PTPN12: variants seen among roughly 807,000 people sequenced by gnomAD.
PTPN12 encodes tyrosine-protein phosphatase non-receptor type 12.
Under a neutral mutation model 97.6 loss-of-function variants are expected in PTPN12, and 29 were observed. That is an observed-to-expected ratio of 0.30 (90% CI 0.22 to 0.41). The LOEUF is 0.41. Ranked by LOEUF, PTPN12 falls within the 10% of genes least tolerant of loss-of-function variation. The pLI is 1.00. For synonymous variants in PTPN12, 327 were observed against 300.4 expected, an observed-to-expected ratio of 1.09 and a Z score of -0.91; for missense variants, 819 against 926.0, an observed-to-expected ratio of 0.88 and a Z score of 1.50.
At chr7:77,561,830 C>T (rs575982504) in intron 1 of PTPN12, among the ~76,000 whole-genome samples, 5 of 151,724 alleles carry the variant, frequency 3.3e-5, no homozygotes, top group South Asian at 2.1e-4. Flanking sequence ...CTTGCTCTGT[C>T]GCCCAGGCTG....
rs913226724 is a variant in PTPN12, at chr7:77,548,587, T to C, written c.99+10942T>C. Among the ~76,000 whole-genome samples the C allele has an allele frequency of 9.9e-5, 15 of 152,216 alleles. 1 individual carries two copies. Among genetic ancestry groups the C allele is most frequent in the Non-Finnish European group, 1.9e-4 (13 of 68,038 alleles). ...AAGTTAGGAAAGCAGATGCTTTTTA[T>C]ATGACATGATGCTGCTTAGGCCAAC... is the stretch of plus-strand genomic sequence containing the variant. On this transcript the variant is annotated intron_variant, in intron 1 of 17. Coordinates refer to ENST00000248594, the MANE Select transcript of PTPN12 (RefSeq NM_002835.4).
chr7:77,594,382 T>TG (rs1414262184), intron 6 of PTPN12, among the ~76,000 whole-genome samples: 5 of 152,160 alleles, frequency 3.3e-5, no homozygotes, highest in African/African-American at 1.2e-4. Flanking sequence ...TCTACTTCAG[T>TG]GGGGAAATAC....
intron 14 of PTPN12, among the ~76,000 whole-genome samples, chr7:77,635,328 C>G (rs1789550284): frequency 6.6e-6 from 1 of 152,170 alleles, no homozygotes; most frequent in Admixed American, 6.6e-5. Flanking sequence ...ACTCAAGAAG[C>G]TGAGATGGGA....
rs751518917 is a variant in PTPN12 at position 77,636,598 on chromosome 7, T to C, written c.2143-420T>C. On this transcript the variant is annotated intron_variant, in intron 15 of 17. Coordinates refer to ENST00000248594, the MANE Select transcript of PTPN12 (RefSeq NM_002835.4). The stretch of plus-strand genomic sequence containing the variant: ...CCCTGTCTCAGCAACAACACATTTG[T>C]CCATAGGAGATAACATTTTTTATTA... Among the ~76,000 whole-genome samples, 8 of 152,266 alleles carry C rather than the reference T, an allele frequency of 5.3e-5. No individual in the cohort carries two copies. In the South Asian group the frequency reaches 1.5e-3, roughly 28 times the overall value.
Position 77,571,113 on chromosome 7 carries a change from A to G in PTPN12, c.135A>G (p.Glu45=), listed in dbSNP as rs1459494366. The G allele has an allele frequency of 6.2e-7, 1 of 1,600,648 alleles. No homozygotes were observed. Among genetic ancestry groups the G allele is most frequent in the East Asian group, 2.3e-5 (1 of 44,090 alleles). Residue 45 remains glutamate, a synonymous_variant, in exon 2 of 18, where the codon GAA becomes GAG. Coordinates refer to ENST00000248594, the MANE Select transcript of PTPN12 (RefSeq NM_002835.4). Reference sequence around the variant, plus strand: ...GATTGTCTACCAAATATAGAACAGAAAAGATATATCCCACAGCCACTGGAG... The same window carrying G: ...GATTGTCTACCAAATATAGAACAGAGAAGATATATCCCACAGCCACTGGAG... ...LRRLSTKYRT[E]KIYPTATGEK...
intron 5 of PTPN12, among the ~76,000 whole-genome samples, chr7:77,586,531 C>G (rs1420610223): frequency 6.6e-6 from 1 of 152,120 alleles, no homozygotes. Context: ...CTGCGGTGAG[C>G]TATGATTATG....
Position 77,618,494 on chromosome 7 carries a change from T to C in PTPN12, c.954T>C (p.Thr318=). ...KIADGVNEIN[T]ENMVSSIEPE... is the part of the protein sequence containing the mutation. ...TCCCTTGGCAGAATGAAATTAACAC[T>C]GAAAACATGGTCAGCTCCATAGAGC... is the stretch of plus-strand genomic sequence containing the variant. Residue 318 remains threonine (T), a synonymous_variant, in exon 12 of 18, where the codon ACT becomes ACC. Coordinates refer to ENST00000248594, the MANE Select transcript of PTPN12 (RefSeq NM_002835.4). 6.3e-7 allele frequency: 1 copy of C among 1,598,512 alleles called. No homozygotes were observed. Among genetic ancestry groups the C allele is most frequent in the Non-Finnish European group, 8.5e-7 (1 of 1,170,218 alleles).
intron 2 of PTPN12, among the ~76,000 whole-genome samples, chr7:77,571,484 A>G (rs1373518649): frequency 3.3e-5 from 5 of 152,204 alleles, no homozygotes; most frequent in African/African-American, 1.2e-4. Flanking sequence ...ATGTTATTTC[A>G]TTAAAATAAT....
chr7:77,610,280 A>G (rs1284708323), intron 9 of PTPN12, among the ~76,000 whole-genome samples: 1 of 152,212 alleles, frequency 6.6e-6, no homozygotes, highest in African/African-American at 2.4e-5. Flanking sequence ...GAATAAATTC[A>G]GTCTCTTTAT....
chr7:77,539,820 A>G (rs1375718380), intron 1 of PTPN12, among the ~76,000 whole-genome samples: 2 of 151,974 alleles, frequency 1.3e-5, no homozygotes, highest in Non-Finnish European at 2.9e-5. Context: ...AGCCGGGACT[A>G]CAGGCGCAAG....
chr7:77,587,803 C>A (rs985246786), intron 5 of PTPN12, among the ~76,000 whole-genome samples: 3 of 152,246 alleles, frequency 2.0e-5, no homozygotes, highest in Non-Finnish European at 4.4e-5. Flanking sequence ...TAGCTTAGAT[C>A]TTTGGATAAC....
intron 11 of PTPN12, among the ~76,000 whole-genome samples, 177 bp from the exon 12 acceptor site, chr7:77,618,303 A>T (rs527981073): frequency 1.3e-5 from 2 of 152,020 alleles, no homozygotes; most frequent in South Asian, 4.1e-4. Context: ...CAATCTCTCC[A>T]TTGAAGTCTG....
At chr7:77,586,577 C>T (rs1787699861) in intron 5 of PTPN12, among the ~76,000 whole-genome samples, 1 of 152,044 alleles carries the variant, frequency 6.6e-6, no homozygotes, top group South Asian at 2.1e-4. Context: ...GGAGACTCCA[C>T]CTATAAAAAC....
chr7:77,599,979 T>G (rs534952697), intron 7 of PTPN12, among the ~76,000 whole-genome samples: 1 of 152,186 alleles, frequency 6.6e-6, no homozygotes, highest in Non-Finnish European at 1.5e-5. Context: ...GAGAAATTTT[T>G]AAAAAACATG....
intron 2 of PTPN12, among the ~76,000 whole-genome samples, chr7:77,579,728 T>G (rs1461376889): frequency 6.6e-6 from 1 of 152,192 alleles, no homozygotes; most frequent in African/African-American, 2.4e-5. Context: ...TGATTTTTTC[T>G]TTTTACATAG....
intron 1 of PTPN12, among the ~76,000 whole-genome samples, chr7:77,562,761 A>C (rs1271401033): frequency 1.3e-5 from 2 of 152,206 alleles, no homozygotes; most frequent in African/African-American, 4.8e-5. Context: ...TTATTGTATT[A>C]GATATCTTCA....
chr7:77,546,017 C>T (rs143398006), intron 1 of PTPN12, among the ~76,000 whole-genome samples: 3,240 of 152,172 alleles, frequency 0.021, 67 homozygotes, highest in Non-Finnish European at 0.032. Context: ...CTGCAACCTC[C>T]GCCTCCTGGG....
intron 9 of PTPN12, among the ~76,000 whole-genome samples, chr7:77,607,618 G>T (rs1788418864): frequency 6.6e-6 from 1 of 152,078 alleles, no homozygotes; most frequent in Non-Finnish European, 1.5e-5. Context: ...GTGGAGAAAA[G>T]GTATAATTGC....
Position 77,638,634 on chromosome 7 carries a change from G to A in PTPN12, c.2184G>A (p.Ala728=), listed in dbSNP as rs1274069331. The part of the protein sequence containing the change: ...TSENEKCDHP[A]GGIHYEMCIE... Reference sequence around the variant, plus strand: ...TGTGTTGCTACTTAGATCATCCAGCGGGAGGTATTCACTATGAAATGTGCA... The same window carrying A: ...TGTGTTGCTACTTAGATCATCCAGCAGGAGGTATTCACTATGAAATGTGCA... The change falls in exon 17 of 18, where the codon GCG becomes GCA. Residue 728 remains alanine, a synonymous_variant. Transcript: ENST00000248594. The A allele has an allele frequency of 2.1e-5, 34 of 1,592,492 alleles. No individual in the cohort carries two copies. The highest frequency in any genetic ancestry group is 2.6e-5 in the Non-Finnish European group (31 of 1,171,956).
Sources: gnomAD v4.1 joint callset for allele counts (sites outside exome capture counted in the v4.1 genomes callset) on GRCh38, gnomAD v4.1.1 for gene constraint, MANE v1.5 for transcripts, NCBI Gene and HGNC (gene_info 2026-07-23, HGNC 2026-07-21) for gene names.